MYH14: variants seen among roughly 807,000 people sequenced by gnomAD.
The protein encoded by MYH14 is myosin-14.
Under a neutral mutation model 255.5 loss-of-function variants are expected in MYH14, and 123 were observed. The observed-to-expected ratio is 0.48, with a 90% CI of 0.42 to 0.56. MYH14 has a LOEUF of 0.56. Ranked by LOEUF, MYH14 falls within the 20% of genes least tolerant of loss-of-function variation. The pLI is 0.00. For synonymous variants in MYH14, 1,095 were observed against 1,161.2 expected, an observed-to-expected ratio of 0.94 and a Z score of 1.16; for missense variants, 2,423 against 2,802.3, an observed-to-expected ratio of 0.86 and a Z score of 3.06.
At chr19:50,238,351 G>A (rs1568486828) in intron 10 of MYH14, among the ~76,000 whole-genome samples, 1 of 152,358 alleles carries the variant, frequency 6.6e-6, no homozygotes. Context: ...AGGTCTGGAC[G>A]GGGTCTAAGC....
At chr19:50,237,495 T>C (rs12976594) in intron 10 of MYH14, among the ~76,000 whole-genome samples, 18 of 152,050 alleles carry the variant, frequency 1.2e-4, no homozygotes, top group Non-Finnish European at 1.8e-4. Flanking sequence ...CCGCTAACTT[T>C]TTTTGTATTT....
In MYH14 at chr19:50,250,650, G is replaced by T. The variant is rs1340123788; in HGVS notation, c.1792G>T (p.Asp598Tyr). ...GTTCCAGCGGCCGAGGCACCTGCGGGATCAGGCCGACTTCAGTGTTCTCCA... is the reference window on the plus strand; with the variant it reads ...GTTCCAGCGGCCGAGGCACCTGCGGTATCAGGCCGACTTCAGTGTTCTCCA... ...PKFQRPRHLRDQADFSVLHYA... is the reference protein window; with the variant it reads ...PKFQRPRHLRYQADFSVLHYA... Residue 598 changes from aspartate (D) to tyrosine (Y), a missense_variant, in exon 15 of 43, where the codon GAT becomes TAT. By Grantham distance (160) the Asp-to-Tyr change is radical (BLOSUM62 -3). Transcript: ENST00000642316. The surrounding 1 kb of genome is among the most constrained non-coding windows in gnomAD (Gnocchi z 5.4). 6.2e-7 allele frequency: 1 copy of T among 1,613,948 alleles called. No individual in the cohort carries two copies. The highest frequency in any genetic ancestry group is 8.5e-7 in the Non-Finnish European group (1 of 1,179,834).
Position 50,225,801 on chromosome 19 carries a change from C to T in MYH14, c.810+124C>T, listed in dbSNP as rs1184141944. On this transcript the variant is annotated intron_variant, in intron 7 of 42. Coordinates refer to ENST00000642316, the MANE Select transcript of MYH14 (RefSeq NM_001145809.2). Reference sequence around the variant, plus strand: ...GGAGGAGGGGCTGGGGGTCTGGACTCTTGAGTCTGAGGGAGGAGGGGCTGG... The same window carrying T: ...GGAGGAGGGGCTGGGGGTCTGGACTTTTGAGTCTGAGGGAGGAGGGGCTGG... The T allele has an allele frequency of 2.3e-3, 788 of 337,142 alleles. 1 individual carries two copies. Among genetic ancestry groups the T allele is most frequent in the Non-Finnish European group, 2.8e-3 (518 of 187,748 alleles). The allele number at this position is 337,142 out of a possible 1,614,324, so 20.9% of individuals were successfully genotyped here.
At chr19:50,294,718 C>G (rs983508233) in intron 39 of MYH14, among the ~76,000 whole-genome samples, 6 of 137,734 alleles carry the variant, frequency 4.4e-5, no homozygotes, top group African/African-American at 1.5e-4. Context: ...GACTGGATGA[C>G]AGAGTGAGAC....
rs183937671 is a variant in MYH14 at position 50,226,881 on chromosome 19, C to T, written c.811-22C>T. On this transcript the variant is annotated intron_variant, in intron 7 of 42. Transcript: ENST00000642316. ...GGGAAGGGGACCCTCTGCTGAAGCC[C>T]ACCCACTTTGGTCTCTCCCAGGGCA... The T allele has an allele frequency of 2.0e-3, 3,287 of 1,613,326 alleles. 12 individuals are homozygous for T. The highest frequency in any genetic ancestry group is 2.6e-3 in the Non-Finnish European group (3,035 of 1,179,426).
At chr19:50,254,743 T>A (rs1317790425) in intron 16 of MYH14, among the ~76,000 whole-genome samples, 1 of 152,168 alleles carries the variant, frequency 6.6e-6, no homozygotes, top group Non-Finnish European at 1.5e-5. Flanking sequence ...ATCGGGGCCA[T>A]TTTTGCCCAA....
Position 50,280,228 on chromosome 19 carries a change from C to T in MYH14, c.4138-3C>T. 2 of 1,552,544 alleles carry T rather than the reference C, an allele frequency of 1.3e-6. No homozygotes were observed. The highest frequency in any genetic ancestry group is 1.7e-6 in the Non-Finnish European group (2 of 1,147,482). ...CTGACATTGCCGTCTCCTCCATCTA[C>T]AGGAGCTGCTGCAGGAGGAGACCAG... On this transcript the variant is annotated splice_region_variant and splice_polypyrimidine_tract_variant and intron_variant, in intron 31 of 42. Transcript: ENST00000642316. This position sits in a 1 kb window ranked among gnomAD's most constrained non-coding sequence, Gnocchi z 4.8.
chr19:50,205,811 G>C (rs2031711500), intron 1 of MYH14, among the ~76,000 whole-genome samples: 1 of 152,190 alleles, frequency 6.6e-6, no homozygotes, highest in Non-Finnish European at 1.5e-5. Flanking sequence ...GTAGGAGCAG[G>C]GGCTGGGGGC....
rs1460016169 is a variant in MYH14, at chr19:50,250,963, G to C, written c.1830+275G>C. Among the ~76,000 whole-genome samples, 1 of 152,226 alleles carries C rather than the reference G, an allele frequency of 6.6e-6. No homozygotes were observed. The highest frequency in any genetic ancestry group is 1.5e-5 in the Non-Finnish European group (1 of 68,044). ...GTGCATTTTATCCACTTATTCAGCA[G>C]ATATGTGCGGGGTGCCATTTGTGTG... On this transcript the variant is annotated intron_variant, in intron 15 of 42. Transcript: ENST00000642316. This position sits in a 1 kb window ranked among gnomAD's most constrained non-coding sequence, Gnocchi z 5.4.
At chr19:50,273,574 G>C (rs2035392614) in intron 27 of MYH14, among the ~76,000 whole-genome samples, 1 of 150,904 alleles carries the variant, frequency 6.6e-6, no homozygotes, top group Non-Finnish European at 1.5e-5. Flanking sequence ...GAAAAACTGT[G>C]CATCTTAGAG....
chr19:50,249,892 A>C, intron 14 of MYH14, 69 bp downstream of exon 14: 1 of 1,568,540 alleles, frequency 6.4e-7, no homozygotes, highest in Non-Finnish European at 8.7e-7. Flanking sequence ...CTGCGAGACC[A>C]GGGTCTAGCT....
chr19:50,293,266 G>A lies in MYH14; in HGVS notation c.5290G>A (p.Ala1764Thr). 1 of 1,610,050 alleles carries A rather than the reference G, an allele frequency of 6.2e-7. No homozygotes were observed. Among genetic ancestry groups the A allele is most frequent in the African/African-American group, 1.3e-5 (1 of 74,952 alleles). ...CGCCTCGGACCGTGCTCGGCGGCAG[G>A]CCCAGCAGGACCGGGATGAGATGGC... ...LAASDRARRQAQQDRDEMADE... is the reference protein window; with the variant it reads ...LAASDRARRQTQQDRDEMADE... Residue 1764 changes from alanine (A) to threonine (T), a missense_variant, in exon 38 of 43, where the codon GCC becomes ACC. Physicochemically the swap from Ala to Thr is moderately conservative, Grantham distance 58 (BLOSUM62 0). Transcript: ENST00000642316. The surrounding 1 kb of genome is among the most constrained non-coding windows in gnomAD (Gnocchi z 4.1).
intron 8 of MYH14, 113 bp downstream of exon 8, chr19:50,227,079 G>C (rs2033145124): frequency 1.8e-6 from 1 of 568,326 alleles, no homozygotes; most frequent in African/African-American, 1.9e-5. Flanking sequence ...ACTCAGATGG[G>C]ACCTGATGCT....
At chr19:50,244,448 T>A in intron 11 of MYH14, 111 bp downstream of exon 11, 1 of 789,450 alleles carries the variant, frequency 1.3e-6, no homozygotes, top group Non-Finnish European at 2.2e-6. Flanking sequence ...GCCACACCTG[T>A]CTCCAACCCA....
intron 1 of MYH14, among the ~76,000 whole-genome samples, chr19:50,208,460 AAAC>A (rs1274163880): frequency 8.9e-5 from 13 of 145,512 alleles, no homozygotes; most frequent in Admixed American, 2.0e-4. Context: ...ACAAACAAAA[AAAC>A]CCAACAAACC....
chr19:50,278,156 G>A lies in MYH14; in HGVS notation c.3899G>A (p.Ser1300Asn). The A allele has an allele frequency of 6.2e-7, 1 of 1,612,214 alleles. No homozygotes were observed. The highest frequency in any genetic ancestry group is 1.7e-5 in the Admixed American group (1 of 59,948). ...TCCGAGCTGCGGGCAGAACTGAGCA[G>A]CCTGCAGACTGCACGTCAGGAGGGT... ...EVSELRAELSSLQTARQEGEQ... is the reference protein window; with the variant it reads ...EVSELRAELSNLQTARQEGEQ... Residue 1300 changes from serine (S) to asparagine (N), a missense_variant, in exon 30 of 43, where the codon AGC becomes AAC. Ser to Asn is a conservative substitution (Grantham distance 46). Around this residue, in one of 3 missense-constraint regions of MYH14, gnomAD observed 1,513 missense variants for 1,674.8 expected, o/e 0.90. Transcript: ENST00000642316.
At chr19:50,240,031 C>T (rs975050169) in intron 10 of MYH14, among the ~76,000 whole-genome samples, 21 of 152,248 alleles carry the variant, frequency 1.4e-4, no homozygotes, top group East Asian at 3.9e-4. Flanking sequence ...ACCATTATTC[C>T]GACTTCTAAG....
At position 50,290,931 on chromosome 19, in the gene MYH14, C is replaced by T. The variant is rs575715999; in HGVS notation, c.5010C>T (p.Arg1670=). ...AGCGGGATGAGGAGCGGAAGCAGCG[C>T]ACTCTGGCCGTGGCTGCCCGCAAGA... The part of the protein sequence containing the change: ...EVERDEERKQ[R]TLAVAARKKL... The change falls in exon 36 of 43, where the codon CGC becomes CGT. Residue 1670 remains arginine (R), a synonymous_variant. Coordinates refer to ENST00000642316, the MANE Select transcript of MYH14 (RefSeq NM_001145809.2). The T allele has an allele frequency of 1.3e-6, 2 of 1,587,294 alleles. No individual in the cohort carries two copies. The highest frequency in any genetic ancestry group is 1.3e-5 in the African/African-American group (1 of 74,682).
intron 17 of MYH14, among the ~76,000 whole-genome samples, chr19:50,257,019 A>G (rs2034614278): frequency 6.6e-6 from 1 of 152,224 alleles, no homozygotes; most frequent in African/African-American, 2.4e-5. Flanking sequence ...TGAAGAGAAG[A>G]AGGGTCAAAG....
Sources: allele counts gnomAD v4.1 joint callset (sites outside exome capture counted in the v4.1 genomes callset), GRCh38; gene constraint gnomAD v4.1.1; regional missense constraint gnomAD v4.1.1; non-coding constraint Gnocchi (gnomAD v3.1); transcripts MANE v1.5; gene names NCBI Gene and HGNC (gene_info 2026-07-23, HGNC 2026-07-21).